The following KCNH7 variants were observed in gnomAD, a reference collection of about 807,000 sequenced individuals.
KCNH7 encodes the protein potassium voltage-gated channel subfamily H member 7.
In KCNH7, 49 loss-of-function variants were observed where a neutral mutation model predicts 120.8. The ratio of observed to expected loss-of-function variants is 0.41; its 90% CI spans 0.32 to 0.51. The LOEUF is 0.51. Among genes scored for constraint, KCNH7 ranks in the 20% least tolerant of loss-of-function variants. The pLI, the probability that KCNH7 is intolerant of heterozygous loss-of-function variation, is 0.38. For missense variants in KCNH7, 1,097 were observed against 1,446.6 expected, an observed-to-expected ratio of 0.76 and a Z score of 3.92; for synonymous variants, 547 against 516.1, an observed-to-expected ratio of 1.06 and a Z score of -0.81.
intron 9 of KCNH7, among the ~76,000 whole-genome samples, chr2:162,400,871 A>C (rs1687046209): frequency 6.6e-6 from 1 of 151,972 alleles, no homozygotes; most frequent in African/African-American, 2.4e-5. Context: ...CATTTCTGGT[A>C]TACATCTAAG....
intron 2 of KCNH7, among the ~76,000 whole-genome samples, chr2:162,833,893 T>C (rs1685562142): frequency 6.6e-6 from 1 of 152,188 alleles, no homozygotes; most frequent in African/African-American, 2.4e-5. Flanking sequence ...ATCAACTTTT[T>C]GTTAATTTGT....
intron 6 of KCNH7, among the ~76,000 whole-genome samples, chr2:162,494,717 A>T (rs1690436327): frequency 6.6e-6 from 1 of 152,080 alleles, no homozygotes; most frequent in Admixed American, 6.6e-5. Flanking sequence ...ATCCTTTCCA[A>T]AAAATGGTTT....
intron 2 of KCNH7, among the ~76,000 whole-genome samples, chr2:162,755,283 A>G (rs557578710): frequency 1.3e-5 from 2 of 152,240 alleles, no homozygotes; most frequent in African/African-American, 2.4e-5. Flanking sequence ...AGCCTGACCA[A>G]TATGGAGAAA....
chr2:162,675,139 T>C (rs889990597), intron 2 of KCNH7, among the ~76,000 whole-genome samples: 2 of 151,626 alleles, frequency 1.3e-5, no homozygotes, highest in Non-Finnish European at 3.0e-5. Flanking sequence ...TATTATGTTC[T>C]GGTTCTACTG....
intron 2 of KCNH7, among the ~76,000 whole-genome samples, chr2:162,799,329 A>T: frequency 6.6e-6 from 1 of 151,886 alleles, no homozygotes; most frequent in African/African-American, 2.4e-5. Context: ...TTTAATTTAA[A>T]TTTCTTCTTT....
At chr2:162,373,979 T>C (rs1021248768) in intron 14 of KCNH7, among the ~76,000 whole-genome samples, 1 of 152,234 alleles carries the variant, frequency 6.6e-6, no homozygotes, top group African/African-American at 2.4e-5. Context: ...TTTTAATCAG[T>C]AATTGTCTTT....
Position 162,836,744 on chromosome 2 carries a change from C to A in KCNH7, c.100G>T (p.Ala34Ser). 6.2e-7 allele frequency: 1 copy of A among 1,613,744 alleles called. No individual in the cohort carries two copies. Among genetic ancestry groups the A allele is most frequent in the Non-Finnish European group, 8.5e-7 (1 of 1,179,712 alleles). The change falls in exon 2 of 16, where the codon GCC (alanine) becomes TCC (serine). Residue 34 changes from alanine (A) to serine (S), a missense_variant. This residue lies in a region of KCNH7 where 57 missense variants were observed against 116.2 expected (regional missense o/e 0.49). Coordinates refer to ENST00000332142, the MANE Select transcript of KCNH7 (RefSeq NM_033272.4). ...GQNKKFIIAN[A>S]RVQNCAIIYC... is the part of the protein sequence containing the mutation. ...ATGATGGCACAGTTCTGCACTCTGGCATTTGCAATGATAAATTTTTTATCT... is the reference window on the plus strand; with the variant it reads ...ATGATGGCACAGTTCTGCACTCTGGAATTTGCAATGATAAATTTTTTATCT...
intron 2 of KCNH7, among the ~76,000 whole-genome samples, chr2:162,576,192 CTG>C (rs1693664752): frequency 6.6e-6 from 1 of 152,048 alleles, no homozygotes; most frequent in South Asian, 2.1e-4. Context: ...AATTTTCTAA[CTG>C]TGATTTTACT....
chr2:162,685,014 G>A (rs1276981032), intron 2 of KCNH7, among the ~76,000 whole-genome samples: 1 of 152,106 alleles, frequency 6.6e-6, no homozygotes, highest in African/African-American at 2.4e-5. Context: ...AATACTATGA[G>A]CCATAAAAAA....
At chr2:162,711,747 G>A (rs969737008) in intron 2 of KCNH7, among the ~76,000 whole-genome samples, 2 of 151,968 alleles carry the variant, frequency 1.3e-5, no homozygotes, top group South Asian at 2.1e-4. Flanking sequence ...CACAGTAAAC[G>A]TTTTCTTGTT....
chr2:162,569,120 G>A (rs1398145755), intron 2 of KCNH7, among the ~76,000 whole-genome samples: 2 of 151,982 alleles, frequency 1.3e-5, no homozygotes, highest in South Asian at 2.1e-4. Context: ...GTTCCTCCTT[G>A]CACCTCTGGT....
intron 6 of KCNH7, among the ~76,000 whole-genome samples, chr2:162,482,233 G>A (rs1028047378): frequency 6.6e-6 from 1 of 152,204 alleles, no homozygotes; most frequent in Non-Finnish European, 1.5e-5. Flanking sequence ...ATAGAGAAGA[G>A]GATGGCAATA....
At chr2:162,805,233 T>C (rs1315053294) in intron 2 of KCNH7, among the ~76,000 whole-genome samples, 1 of 151,824 alleles carries the variant, frequency 6.6e-6, no homozygotes, top group Non-Finnish European at 1.5e-5. Context: ...AATAAATAAA[T>C]GGTACCTAAT....
chr2:162,759,224 G>A (rs1688887777), intron 2 of KCNH7, among the ~76,000 whole-genome samples: 2 of 152,232 alleles, frequency 1.3e-5, no homozygotes, highest in South Asian at 2.1e-4. Flanking sequence ...GGATTGAAAG[G>A]TAAGAGGCCC....
chr2:162,835,766 A>AT (rs1454143409), intron 2 of KCNH7, among the ~76,000 whole-genome samples: 3 of 152,012 alleles, frequency 2.0e-5, no homozygotes, highest in East Asian at 1.9e-4. Flanking sequence ...TACATGTGTA[A>AT]TTTTTTAAGA....
At chr2:162,646,211 C>T (rs3849346) in intron 2 of KCNH7, among the ~76,000 whole-genome samples, 103,543 of 152,064 alleles carry the variant, frequency 0.68, 36,783 homozygotes, top group Middle Eastern at 0.86. Context: ...AGAATGCCCA[C>T]GTAGGACAGA....
chr2:162,747,796 A>G (rs10168742), intron 2 of KCNH7, among the ~76,000 whole-genome samples: 43,861 of 152,084 alleles, frequency 0.29, 10,745 homozygotes, highest in African/African-American at 0.66. Flanking sequence ...CTTATATAAC[A>G]TTTTTAAAGG....
intron 2 of KCNH7, among the ~76,000 whole-genome samples, chr2:162,728,274 G>T (rs145033577): frequency 8.6e-5 from 13 of 151,654 alleles, no homozygotes; most frequent in Non-Finnish European, 1.5e-4. Context: ...AATTTTTTAT[G>T]TGCTGTTTTA....
intron 6 of KCNH7, among the ~76,000 whole-genome samples, chr2:162,486,930 G>C (rs1690116093): frequency 6.6e-6 from 1 of 152,150 alleles, no homozygotes; most frequent in Admixed American, 6.6e-5. Context: ...ATTTCTGGAA[G>C]GGTTACTGTT....
Sources: allele counts gnomAD v4.1 joint callset (sites outside exome capture counted in the v4.1 genomes callset), GRCh38; gene constraint gnomAD v4.1.1; regional missense constraint gnomAD v4.1.1; transcripts MANE v1.5; gene names NCBI Gene and HGNC (gene_info 2026-07-23, HGNC 2026-07-21).